The following TSHZ2 variants were observed in gnomAD, a reference collection of about 807,000 sequenced individuals.
TSHZ2 encodes the protein teashirt homolog 2.
A neutral mutation model predicts 74.4 loss-of-function variants in TSHZ2; 21 were observed. That is an observed-to-expected ratio of 0.28 (90% CI 0.20 to 0.41). The LOEUF (loss-of-function observed/expected upper bound fraction) is 0.41, where lower values mean the gene tolerates loss of function less well. Ranked by LOEUF, TSHZ2 falls within the 10% of genes least tolerant of loss-of-function variation. The pLI, the probability that TSHZ2 is intolerant of heterozygous loss-of-function variation, is 1.00. For synonymous variants in TSHZ2, 540 were observed against 515.3 expected (o/e 1.05, Z -0.65); for missense variants, 1,244 against 1,293.5 (o/e 0.96, Z 0.59).
chr20:53,174,696 C>A (rs774382217), intron 1 of TSHZ2, among the ~76,000 whole-genome samples: 1 of 152,198 alleles, frequency 6.6e-6, no homozygotes, highest in Non-Finnish European at 1.5e-5. Flanking sequence ...CTCCTTTAGG[C>A]TCTGCCTTGG....
At chr20:53,071,781 A>T (rs1985183032) in intron 1 of TSHZ2, among the ~76,000 whole-genome samples, 1 of 152,134 alleles carries the variant, frequency 6.6e-6, no homozygotes, top group South Asian at 2.1e-4. Flanking sequence ...CCGTGAAGTC[A>T]TGTCCCCTGA....
At chr20:53,474,181 G>A (rs1181142670) in intron 2 of TSHZ2, among the ~76,000 whole-genome samples, 1 of 148,552 alleles carries the variant, frequency 6.7e-6, no homozygotes, top group Non-Finnish European at 1.5e-5. Flanking sequence ...TCCTCGAGAA[G>A]AGCAACTCCA....
At chr20:53,370,033 G>A (rs746384483) in intron 2 of TSHZ2, among the ~76,000 whole-genome samples, 5 of 152,054 alleles carry the variant, frequency 3.3e-5, no homozygotes, top group Admixed American at 1.3e-4. Flanking sequence ...GTCAGGAGAC[G>A]TCTGGTGGCA....
At chr20:53,091,779 C>T (rs766746728) in intron 1 of TSHZ2, among the ~76,000 whole-genome samples, 8 of 152,104 alleles carry the variant, frequency 5.3e-5, no homozygotes, top group African/African-American at 2.4e-5. Flanking sequence ...CAGTGGCTCA[C>T]GCCTGTAATC....
At chr20:53,119,534 G>A (rs1347162045) in intron 1 of TSHZ2, among the ~76,000 whole-genome samples, 1 of 152,188 alleles carries the variant, frequency 6.6e-6, no homozygotes, top group Non-Finnish European at 1.5e-5. Flanking sequence ...GAACACATAT[G>A]ACTGTTGAAT....
rs1228073117 is a variant in TSHZ2 at position 52,998,021 on chromosome 20, AG to A, written c.40+24695del. Reference sequence around the variant, plus strand: ...GAATCTGCATTTTCAGAGGATGCTCAGGGGGGGATTCGTGAGCACGTTGAGA... The same window carrying A: ...GAATCTGCATTTTCAGAGGATGCTCAGGGGGGATTCGTGAGCACGTTGAGA... On this transcript the variant is annotated intron_variant, in intron 1 of 2. Coordinates refer to ENST00000371497, the MANE Select transcript of TSHZ2 (RefSeq NM_173485.6). 2.6e-5 allele frequency among the ~76,000 whole-genome samples: 4 copies of A among 152,084 alleles called. 1 individual carries two copies. In the South Asian group the frequency reaches 6.2e-4, roughly 24 times the overall value.
chr20:53,338,900 C>T (rs1015089292), intron 2 of TSHZ2, among the ~76,000 whole-genome samples: 1 of 152,182 alleles, frequency 6.6e-6, no homozygotes, highest in African/African-American at 2.4e-5. Context: ...GTTCTGTAAA[C>T]CTCAGGCAGG....
At chr20:53,187,997 A>G (rs1302539239) in intron 1 of TSHZ2, among the ~76,000 whole-genome samples, 1 of 152,168 alleles carries the variant, frequency 6.6e-6, no homozygotes, top group East Asian at 1.9e-4. Context: ...ATGTGGCACG[A>G]AGCAAGTCTG....
At chr20:53,410,078 C>T (rs866197271) in intron 2 of TSHZ2, among the ~76,000 whole-genome samples, 46 of 152,042 alleles carry the variant, frequency 3.0e-4, no homozygotes, top group Middle Eastern at 3.4e-3. Flanking sequence ...AACTCCTGAC[C>T]TCAGGTGATC....
chr20:53,197,240 G>A (rs1212753961), intron 1 of TSHZ2, among the ~76,000 whole-genome samples: 4 of 152,214 alleles, frequency 2.6e-5, no homozygotes, highest in African/African-American at 9.6e-5. Context: ...GAAACTGTCA[G>A]CAGTTGCTGG....
At chr20:53,250,007 G>T (rs1199988766) in intron 1 of TSHZ2, among the ~76,000 whole-genome samples, 1 of 152,144 alleles carries the variant, frequency 6.6e-6, no homozygotes, top group Non-Finnish European at 1.5e-5. Flanking sequence ...GAGAAAAATG[G>T]TCTCTTGAGT....
intron 2 of TSHZ2, among the ~76,000 whole-genome samples, chr20:53,405,856 G>C (rs1310075784): frequency 1.3e-5 from 2 of 152,028 alleles, no homozygotes; most frequent in African/African-American, 4.8e-5. Flanking sequence ...AATTAGCCAG[G>C]CGTCATGGTG....
intron 2 of TSHZ2, among the ~76,000 whole-genome samples, chr20:53,314,793 T>C (rs1978933199): frequency 6.6e-6 from 1 of 152,080 alleles, no homozygotes. Flanking sequence ...GGCTAATTTT[T>C]GTATTTTTAG....
intron 1 of TSHZ2, among the ~76,000 whole-genome samples, chr20:53,017,082 T>C (rs1212491716): frequency 6.6e-6 from 1 of 152,206 alleles, no homozygotes; most frequent in Non-Finnish European, 1.5e-5. Flanking sequence ...GTCATCATCA[T>C]ATTCCTTTCC....
chr20:53,017,515 A>G lies in TSHZ2; in HGVS notation c.40+44182A>G, dbSNP rs1983082540. Among the ~76,000 whole-genome samples the G allele has an allele frequency of 7.9e-5, 12 of 152,030 alleles. No individual in the cohort carries two copies. In the South Asian group the frequency reaches 2.5e-3, roughly 32 times the overall value. On this transcript the variant is annotated intron_variant, in intron 1 of 2. Coordinates refer to ENST00000371497, the MANE Select transcript of TSHZ2 (RefSeq NM_173485.6). Reference sequence around the variant, plus strand: ...ATAACTCGTGGCAAAATCATGATCTAATAGATGTTATTGCTTAAGTTGAGG... The same window carrying G: ...ATAACTCGTGGCAAAATCATGATCTGATAGATGTTATTGCTTAAGTTGAGG...
intron 2 of TSHZ2, among the ~76,000 whole-genome samples, chr20:53,373,527 C>G (rs1981552305): frequency 6.6e-6 from 1 of 152,044 alleles, no homozygotes; most frequent in Admixed American, 6.6e-5. Flanking sequence ...TTCTTGTGTT[C>G]TCAATCCAGT....
intron 1 of TSHZ2, among the ~76,000 whole-genome samples, chr20:53,146,102 G>A (rs1018242971): frequency 6.6e-6 from 1 of 152,066 alleles, no homozygotes; most frequent in Non-Finnish European, 1.5e-5. Flanking sequence ...TGCAGAGCTT[G>A]TGGAATACAG....
intron 1 of TSHZ2, among the ~76,000 whole-genome samples, chr20:53,223,609 T>C (rs1224888900): frequency 1.3e-5 from 2 of 152,176 alleles, no homozygotes; most frequent in African/African-American, 2.4e-5. Flanking sequence ...TTGCCCAGGC[T>C]GGTCTCAAAC....
intron 2 of TSHZ2, among the ~76,000 whole-genome samples, chr20:53,458,267 T>C (rs1985192501): frequency 2.0e-5 from 3 of 149,888 alleles, no homozygotes; most frequent in African/African-American, 7.4e-5. Flanking sequence ...GAGATTCAAC[T>C]TCTTCCTGGT....
Sources: gnomAD v4.1 joint callset for allele counts (sites outside exome capture counted in the v4.1 genomes callset) on GRCh38, gnomAD v4.1.1 for gene constraint, MANE v1.5 for transcripts, NCBI Gene and HGNC (gene_info 2026-07-23, HGNC 2026-07-21) for gene names.